Variants in PPM1L observed in about 807,000 individuals in gnomAD.
PPM1L encodes the protein protein phosphatase, Mg2+/Mn2+ dependent 1L, also known as protein phosphatase 1L.
A neutral mutation model predicts 31.4 loss-of-function variants in PPM1L; 13 were observed. The ratio of observed to expected loss-of-function variants is 0.41; its 90% CI spans 0.27 to 0.66. The LOEUF is 0.66. Ranked by LOEUF, PPM1L falls within the 30% of genes least tolerant of loss-of-function variation. The pLI, the probability that PPM1L is intolerant of heterozygous loss-of-function variation, is 0.29. For synonymous variants in PPM1L, 184 were observed against 175.4 expected, an observed-to-expected ratio of 1.05 and a Z score of -0.39; for missense variants, 326 against 453.7, an observed-to-expected ratio of 0.72 and a Z score of 2.56.
At position 161,044,762 on chromosome 3, in the gene PPM1L, C is replaced by T. The variant is rs145278114; in HGVS notation, c.575-20641C>T. Among the ~76,000 whole-genome samples, 471 of 152,266 alleles carry T rather than the reference C, an allele frequency of 3.1e-3. 4 individuals carry two copies. The highest frequency in any genetic ancestry group is 0.01 in the African/African-American group (432 of 41,564). ...CATCACAATGACAGGATCAACTTCA[C>T]GCATAACAATATTAACCTTAAATGT... On this transcript the variant is annotated intron_variant, in intron 2 of 3. Transcript: ENST00000498165.
intron 1 of PPM1L, among the ~76,000 whole-genome samples, chr3:160,823,425 C>G (rs894778652): frequency 5.4e-5 from 8 of 148,736 alleles, no homozygotes; most frequent in Non-Finnish European, 1.2e-4. Flanking sequence ...GTTGGCCAGG[C>G]TGGTCTCAAA....
Position 161,074,108 on chromosome 3 carries a change from C to CTGT in PPM1L, c.*4953_*4955dup, listed in dbSNP as rs1254243887. 1 of 152,126 alleles carries CTGT rather than the reference C, an allele frequency of 6.6e-6. No individual in the cohort carries two copies. The highest frequency in any genetic ancestry group is 2.4e-5 in the African/African-American group (1 of 41,424). The allele number at this position is 152,126 out of a possible 1,614,324, so 9.4% of individuals were successfully genotyped here. On this transcript the variant is annotated 3_prime_UTR_variant, in exon 4 of 4. Transcript: ENST00000498165. ...TTTAACGATTTTTAAAACTAATGAT[C>CTGT]TGTTATATAATAACTGAAATGTAAA... is the stretch of plus-strand genomic sequence containing the variant.
intron 2 of PPM1L, among the ~76,000 whole-genome samples, chr3:161,026,589 A>C (rs1433267115): frequency 6.6e-6 from 1 of 152,094 alleles, no homozygotes; most frequent in East Asian, 1.9e-4. Flanking sequence ...CCAGCTGCTC[A>C]GGAGGCTGAG....
chr3:160,976,156 G>T (rs1716564090), intron 2 of PPM1L, among the ~76,000 whole-genome samples: 1 of 103,162 alleles, frequency 9.7e-6, no homozygotes, highest in African/African-American at 4.1e-5. Context: ...CTTTGGCTCT[G>T]TTTATATGCT....
chr3:160,939,093 G>A (rs532079891), intron 1 of PPM1L, among the ~76,000 whole-genome samples: 102 of 152,262 alleles, frequency 6.7e-4, no homozygotes, highest in Non-Finnish European at 1.2e-3. Flanking sequence ...TGCACTTAGC[G>A]TAGTGTTCAA....
chr3:160,992,528 A>C (rs1717165726), intron 2 of PPM1L, among the ~76,000 whole-genome samples: 1 of 152,232 alleles, frequency 6.6e-6, no homozygotes, highest in South Asian at 2.1e-4. Flanking sequence ...CTGTAAGTGA[A>C]GAATTCGAGG....
chr3:160,765,434 G>A (rs987729344), intron 1 of PPM1L, among the ~76,000 whole-genome samples: 2 of 152,210 alleles, frequency 1.3e-5, no homozygotes, highest in Admixed American at 6.5e-5. Flanking sequence ...TTGTGTCTCT[G>A]TGACAGGTGG....
At chr3:160,827,512 G>T (rs1220917803) in intron 1 of PPM1L, among the ~76,000 whole-genome samples, 1 of 147,298 alleles carries the variant, frequency 6.8e-6, no homozygotes, top group East Asian at 2.0e-4. Flanking sequence ...AAGCTCCAAG[G>T]GTAAGAGTTA....
At chr3:160,850,026 T>C (rs1302517700) in intron 1 of PPM1L, among the ~76,000 whole-genome samples, 1 of 152,182 alleles carries the variant, frequency 6.6e-6, no homozygotes, top group Non-Finnish European at 1.5e-5. Flanking sequence ...ACCCACAGGT[T>C]AAGGGCTCAG....
chr3:161,076,246 C>CT lies in PPM1L; in HGVS notation c.*7090dup, dbSNP rs1387828112. On this transcript the variant is annotated 3_prime_UTR_variant, in exon 4 of 4. Transcript: ENST00000498165. ...GTATAACTTTTAAATTCCCATTTGT[C>CT]TATCTTAGGACAAATGATGACTTCT... 6.6e-6 allele frequency: 1 copy of CT among 152,164 alleles called. No homozygotes were observed. Among genetic ancestry groups the CT allele is most frequent in the Non-Finnish European group, 1.5e-5 (1 of 68,018 alleles). The allele number at this position is 152,164 out of a possible 1,614,324, so 9.4% of individuals were successfully genotyped here. A position where few individuals can be genotyped will look rare whatever the true frequency, so the allele number is the denominator to read the frequency against.
chr3:161,039,507 T>C (rs1180333451), intron 2 of PPM1L, among the ~76,000 whole-genome samples: 3 of 152,092 alleles, frequency 2.0e-5, no homozygotes, highest in African/African-American at 7.2e-5. Flanking sequence ...ATGAAACTCA[T>C]ACCTCATATT....
chr3:160,858,231 T>G (rs542645298), intron 1 of PPM1L, among the ~76,000 whole-genome samples: 1 of 152,302 alleles, frequency 6.6e-6, no homozygotes. Flanking sequence ...GCAAAGTTAT[T>G]TAAAATTTCT....
intron 1 of PPM1L, among the ~76,000 whole-genome samples, chr3:160,913,976 T>C (rs144438866): frequency 3.9e-4 from 59 of 152,320 alleles, no homozygotes; most frequent in African/African-American, 1.3e-3. Flanking sequence ...GTATGTTAAG[T>C]ATATGTTTAG....
rs1720009460 is a variant in PPM1L at position 161,073,682 on chromosome 3, C to T, written c.*4525C>T. On this transcript the variant is annotated 3_prime_UTR_variant, in exon 4 of 4. Transcript: ENST00000498165. ...GTTCACACCATTCTCCTGCCTCAGC[C>T]TCCTGAGCAGCTGGGACTACAGGCG... 2.6e-5 allele frequency: 4 copies of T among 152,196 alleles called. No homozygotes were observed. Among genetic ancestry groups the T allele is most frequent in the Admixed American group, 2.6e-4 (4 of 15,270 alleles). 9.4% of individuals were successfully genotyped at this position (152,196 alleles called of 1,614,324 possible). A position where few individuals can be genotyped will look rare whatever the true frequency, so the allele number is the denominator to read the frequency against.
intron 1 of PPM1L, among the ~76,000 whole-genome samples, chr3:160,909,476 C>G (rs954247703): frequency 1.2e-4 from 18 of 152,164 alleles, no homozygotes; most frequent in African/African-American, 4.3e-4. Flanking sequence ...TAGCACTGGT[C>G]TAATGTAGAT....
intron 1 of PPM1L, among the ~76,000 whole-genome samples, chr3:160,945,118 T>C (rs552464826): frequency 2.7e-3 from 15 of 5,496 alleles, no homozygotes; most frequent in East Asian, 0.025. Flanking sequence ...ATATGTTATC[T>C]ATCTATCTAT....
intron 2 of PPM1L, among the ~76,000 whole-genome samples, chr3:161,014,560 C>T (rs1197891346): frequency 5.9e-5 from 9 of 151,358 alleles, no homozygotes; most frequent in Admixed American, 2.6e-4. Context: ...CTGCAACATC[C>T]GCCTCCCAGG....
chr3:161,007,062 T>C (rs1372090928), intron 2 of PPM1L, among the ~76,000 whole-genome samples: 1 of 152,210 alleles, frequency 6.6e-6, no homozygotes, highest in Non-Finnish European at 1.5e-5. Context: ...ATTCATTCAT[T>C]TAATATGTAT....
chr3:160,829,625 T>C (rs1713459111), intron 1 of PPM1L, among the ~76,000 whole-genome samples: 1 of 152,212 alleles, frequency 6.6e-6, no homozygotes, highest in African/African-American at 2.4e-5. Flanking sequence ...CAGGGCTTTC[T>C]GTTTCCTTCT....
Sources: allele counts gnomAD v4.1 joint callset (sites outside exome capture counted in the v4.1 genomes callset), GRCh38; gene constraint gnomAD v4.1.1; transcripts MANE v1.5; gene names NCBI Gene and HGNC (gene_info 2026-07-23, HGNC 2026-07-21).